LMTK2: variants seen among roughly 807,000 people sequenced by gnomAD.
LMTK2 encodes the protein serine/threonine-protein kinase LMTK2.
LMTK2 carries 37 observed loss-of-function variants against 127.5 expected under a neutral mutation model. That is an observed-to-expected ratio of 0.29 (90% CI 0.22 to 0.38). The LOEUF (loss-of-function observed/expected upper bound fraction) is 0.38. Among genes scored for constraint, LMTK2 ranks in the 10% least tolerant of loss-of-function variants. LMTK2 has a pLI of 1.00. For missense variants in LMTK2, 1,694 were observed against 1,920.3 expected, an observed-to-expected ratio of 0.88 and a Z score of 2.20; for synonymous variants, 819 against 810.1, an observed-to-expected ratio of 1.01 and a Z score of -0.19.
chr7:98,170,762 A>G (rs1336559409), intron 6 of LMTK2, among the ~76,000 whole-genome samples: 1 of 152,152 alleles, frequency 6.6e-6, no homozygotes, highest in African/African-American at 2.4e-5. Context: ...TACACGGTAA[A>G]CTCCCAAAAA....
Position 98,204,077 on chromosome 7 carries a change from G to A in LMTK2, c.4374G>A (p.Thr1458=), listed in dbSNP as rs542059077. The change falls in exon 13 of 14, where the codon ACG becomes ACA. Residue 1458 remains threonine (T), a synonymous_variant. Transcript: ENST00000297293. The stretch of plus-strand genomic sequence containing the variant: ...CTCCGCCGCCACCGGCCCGGAGCAC[G>A]GAGCAGAGCTGGCCGCACTCGGCGC... ...YFSPPPPARS[T]EQSWPHSAPY... 8.2e-5 allele frequency: 133 copies of A among 1,613,876 alleles called. No homozygotes were observed. The highest frequency in any genetic ancestry group is 1.3e-4 in the East Asian group (6 of 44,874).
rs1562918602 is a variant in LMTK2 at position 98,186,967 on chromosome 7, A to C, written c.967A>C (p.Thr323Pro). ...LVTSFQDRLL[T>P]ADQTKYSNIW... The stretch of plus-strand genomic sequence containing the variant: ...AACCAGCTTTCAAGACAGACTGCTA[A>C]CTGCAGATCAGACTAAGTATAGTAA... The change falls in exon 9 of 14, where the codon ACT becomes CCT. Residue 323 changes from threonine to proline, a missense_variant. Thr to Pro is a conservative substitution (Grantham distance 38, BLOSUM62 -1). Coordinates refer to ENST00000297293, the MANE Select transcript of LMTK2 (RefSeq NM_014916.4). 1 of 1,613,928 alleles carries C rather than the reference A, an allele frequency of 6.2e-7. No homozygotes were observed. The highest frequency in any genetic ancestry group is 2.2e-5 in the East Asian group (1 of 44,868).
intron 1 of LMTK2, among the ~76,000 whole-genome samples, chr7:98,127,149 T>C (rs529915434): frequency 1.3e-5 from 2 of 152,324 alleles, no homozygotes; most frequent in East Asian, 3.9e-4. Context: ...ACCTTGATGA[T>C]AGATGGGTTT....
At chr7:98,124,309 C>T (rs1796412244) in intron 1 of LMTK2, among the ~76,000 whole-genome samples, 1 of 152,164 alleles carries the variant, frequency 6.6e-6, no homozygotes, top group African/African-American at 2.4e-5. Context: ...TACTGTCTGA[C>T]CTTGGAGAAG....
intron 6 of LMTK2, among the ~76,000 whole-genome samples, chr7:98,168,123 G>A (rs1276699707): frequency 6.6e-6 from 1 of 152,172 alleles, no homozygotes; most frequent in Non-Finnish European, 1.5e-5. Flanking sequence ...GGACCGACCA[G>A]GCTTCTGAGG....
At chr7:98,190,965 T>C (rs186116976) in intron 10 of LMTK2, 88 bp downstream of exon 10, 3 of 1,242,396 alleles carry the variant, frequency 2.4e-6, no homozygotes, top group East Asian at 4.7e-5. Context: ...CCAAATATTA[T>C]GTTTCTTCAT....
rs745922592 is a variant in LMTK2, at chr7:98,151,368, T to A, written c.377-14T>A. On this transcript the variant is annotated splice_polypyrimidine_tract_variant and intron_variant, in intron 3 of 13. Coordinates refer to ENST00000297293, the MANE Select transcript of LMTK2 (RefSeq NM_014916.4). ...GATACTTATATTTCATTTTTAATGT[T>A]TTTTTCTCTACAGAGGGATTGAAGT... 1.3e-6 allele frequency: 2 copies of A among 1,585,208 alleles called. No homozygotes were observed. Among genetic ancestry groups the A allele is most frequent in the South Asian group, 2.2e-5 (2 of 89,440 alleles).
intron 7 of LMTK2, among the ~76,000 whole-genome samples, chr7:98,179,469 CTG>C (rs777536962): frequency 1.1e-4 from 17 of 152,204 alleles, no homozygotes; most frequent in Non-Finnish European, 1.8e-4. Flanking sequence ...GACGGAGCCT[CTG>C]TTGGCAAAAC....
chr7:98,182,458 A>T (rs772417553), intron 7 of LMTK2, among the ~76,000 whole-genome samples: 67 of 152,236 alleles, frequency 4.4e-4, no homozygotes, highest in African/African-American at 5.3e-4. Flanking sequence ...GAAATATACA[A>T]ATGGCAATAG....
At chr7:98,122,295 A>G (rs1796374996) in intron 1 of LMTK2, among the ~76,000 whole-genome samples, 1 of 151,586 alleles carries the variant, frequency 6.6e-6, no homozygotes, top group Admixed American at 6.6e-5. Flanking sequence ...GATTTGGTGT[A>G]TAGATAATTT....
chr7:98,204,169 C>G lies in LMTK2; in HGVS notation c.4466C>G (p.Ser1489Trp). ...ASFSLTHLTD[S>W]DIEQGGSSED... is the part of the protein sequence containing the mutation. ...TTTTCCCTCACACACCTGACCGACT[C>G]GGACATCGAGCAGGGCGGTGAGAGG... Residue 1489 changes from serine (S) to tryptophan (W), a missense_variant, in exon 13 of 14, where the codon TCG becomes TGG. Transcript: ENST00000297293. 1 of 1,607,388 alleles carries G rather than the reference C, an allele frequency of 6.2e-7. No homozygotes were observed. Among genetic ancestry groups the G allele is most frequent in the Non-Finnish European group, 8.5e-7 (1 of 1,179,942 alleles).
chr7:98,125,516 C>T (rs1796431850), intron 1 of LMTK2, among the ~76,000 whole-genome samples: 1 of 152,148 alleles, frequency 6.6e-6, no homozygotes, highest in Admixed American at 6.5e-5. Context: ...GTTGGTGGGT[C>T]TTTCTGCCTG....
chr7:98,163,720 T>C (rs1406319096), intron 6 of LMTK2, among the ~76,000 whole-genome samples: 4 of 152,058 alleles, frequency 2.6e-5, no homozygotes, highest in Non-Finnish European at 5.9e-5. Context: ...CACCAAAGTG[T>C]CTCTTTGACA....
rs1797795636 is a variant in LMTK2 at position 98,206,217 on chromosome 7, T to C, written c.*725T>C. On this transcript the variant is annotated 3_prime_UTR_variant, in exon 14 of 14. Coordinates refer to ENST00000297293, the MANE Select transcript of LMTK2 (RefSeq NM_014916.4). ...AATGATTCTGAATGTTAGTGTTTTA[T>C]GTTCATATAGGAAATATTTTCATTG... 6.6e-6 allele frequency: 1 copy of C among 152,286 alleles called. No individual in the cohort carries two copies. Among genetic ancestry groups the C allele is most frequent in the Non-Finnish European group, 1.5e-5 (1 of 68,052 alleles). The allele number at this position is 152,286 out of a possible 1,614,324, so 9.4% of individuals were successfully genotyped here. A position where few individuals can be genotyped will look rare whatever the true frequency, so the allele number is the denominator to read the frequency against.
Position 98,192,627 on chromosome 7 carries a change from A to G in LMTK2, c.2162A>G (p.Glu721Gly). The stretch of plus-strand genomic sequence containing the variant: ...CCATTGAATGTTCAAGAATTGTCAG[A>G]AAACTTTTTATTTCTTCAAGAGAAA... ...FDPLNVQELS[E>G]NFLFLQEKNL... The change falls in exon 11 of 14, where the codon GAA becomes GGA. Residue 721 changes from glutamate to glycine, a missense_variant. Glu to Gly is a moderately conservative substitution (Grantham distance 98). Around this residue, in one of 8 missense-constraint regions of LMTK2, gnomAD observed 527 missense variants for 539.8 expected, o/e 0.98. Transcript: ENST00000297293. The G allele has an allele frequency of 6.2e-7, 1 of 1,612,606 alleles. No individual in the cohort carries two copies. The highest frequency in any genetic ancestry group is 1.1e-5 in the South Asian group (1 of 90,462).
chr7:98,155,977 A>T (rs1469758255), intron 5 of LMTK2, among the ~76,000 whole-genome samples: 2 of 152,202 alleles, frequency 1.3e-5, no homozygotes, highest in Non-Finnish European at 2.9e-5. Context: ...TAGCTGACAT[A>T]GGACTCATAT....
intron 6 of LMTK2, among the ~76,000 whole-genome samples, chr7:98,170,838 C>T (rs1206535256): frequency 1.3e-5 from 2 of 152,114 alleles, no homozygotes; most frequent in Non-Finnish European, 2.9e-5. Flanking sequence ...TGGAGGAGGC[C>T]TGGGGAGCCC....
intron 7 of LMTK2, among the ~76,000 whole-genome samples, chr7:98,175,543 T>C (rs1220183411): frequency 6.6e-6 from 1 of 152,224 alleles, no homozygotes; most frequent in East Asian, 1.9e-4. Flanking sequence ...GTTTAATCAC[T>C]ATTGCACCTC....
At chr7:98,199,660 A>G (rs568025756) in intron 11 of LMTK2, among the ~76,000 whole-genome samples, 46 of 152,126 alleles carry the variant, frequency 3.0e-4, no homozygotes, top group Non-Finnish European at 5.1e-4. Flanking sequence ...ACACACAGCT[A>G]ATTTTTGTAT....
Sources: allele counts gnomAD v4.1 joint callset (sites outside exome capture counted in the v4.1 genomes callset), GRCh38; gene constraint gnomAD v4.1.1; regional missense constraint gnomAD v4.1.1; transcripts MANE v1.5; gene names NCBI Gene and HGNC (gene_info 2026-07-23, HGNC 2026-07-21).